WDR20: variants seen among roughly 807,000 people sequenced by gnomAD.
WDR20 encodes the protein WD repeat domain 20.
A neutral mutation model predicts 38.7 loss-of-function variants in WDR20; 3 were observed. The observed-to-expected ratio is 0.08, with a 90% CI of 0.04 to 0.20. WDR20 has a LOEUF of 0.20. Ranked by LOEUF, WDR20 falls within the 10% of genes least tolerant of loss-of-function variation. The pLI is 1.00. For synonymous variants in WDR20, 298 were observed against 285.6 expected, an observed-to-expected ratio of 1.04 and a Z score of -0.44; for missense variants, 559 against 727.7, an observed-to-expected ratio of 0.77 and a Z score of 2.67.
chr14:102,194,602 C>A (rs2059111198), intron 1 of WDR20, among the ~76,000 whole-genome samples: 1 of 152,200 alleles, frequency 6.6e-6, no homozygotes, highest in Non-Finnish European at 1.5e-5. Context: ...CTCTGTTAGA[C>A]ACTGCTTGAA....
chr14:102,158,339 C>T (rs1389643310), intron 1 of WDR20, among the ~76,000 whole-genome samples: 1 of 152,056 alleles, frequency 6.6e-6, no homozygotes, highest in Non-Finnish European at 1.5e-5. Flanking sequence ...CTCTTGTTGC[C>T]CAGGCTGGAG....
intron 1 of WDR20, among the ~76,000 whole-genome samples, chr14:102,184,112 A>T (rs1293140410): frequency 1.3e-5 from 2 of 152,228 alleles, no homozygotes; most frequent in African/African-American, 4.8e-5. Context: ...GGTCATTTGA[A>T]TATGTCAGCA....
In WDR20 at chr14:102,208,005, C is replaced by T. The variant is rs2061870216; in HGVS notation, c.433-598C>T. ...GGGGCGGTGCATGGGAGTGAGGCGG[C>T]CTCAGTGGGCCCAGGCTCTGTTTTG... is the stretch of plus-strand genomic sequence containing the variant. On this transcript the variant is annotated intron_variant, in intron 2 of 2. Transcript: ENST00000342702. This position sits in a 1 kb window ranked among gnomAD's most constrained non-coding sequence, Gnocchi z 5.6. Among the ~76,000 whole-genome samples, 1 of 152,142 alleles carries T rather than the reference C, an allele frequency of 6.6e-6. No individual in the cohort carries two copies. Among genetic ancestry groups the T allele is most frequent in the South Asian group, 2.1e-4 (1 of 4,818 alleles).
rs750890088 is a variant in WDR20 at position 102,208,904 on chromosome 14, G to A, written c.734G>A (p.Arg245Gln). The A allele has an allele frequency of 1.4e-5, 22 of 1,614,090 alleles. No homozygotes were observed. The highest frequency in any genetic ancestry group is 7.7e-5 in the South Asian group (7 of 91,092). Reference sequence around the variant, plus strand: ...TGCGTGAGCCAGGACGGGTTTCTGCGGGTGTTCAACTTTGACTCAGTGGAG... The same window carrying A: ...TGCGTGAGCCAGGACGGGTTTCTGCAGGTGTTCAACTTTGACTCAGTGGAG... ...LACVSQDGFL[R>Q]VFNFDSVELH... Residue 245 changes from arginine to glutamine, a missense_variant, in exon 3 of 3, where the codon CGG (arginine) becomes CAG (glutamine). By Grantham distance (43) the Arg-to-Gln change is conservative. Coordinates refer to ENST00000342702, the MANE Select transcript of WDR20 (RefSeq NM_144574.4). The surrounding 1 kb of genome is among the most constrained non-coding windows in gnomAD (Gnocchi z 5.6).
At chr14:102,151,198 T>TG (rs1491447058) in intron 1 of WDR20, among the ~76,000 whole-genome samples, 7 of 141,170 alleles carry the variant, frequency 5.0e-5, no homozygotes, top group East Asian at 2.0e-4. Context: ...TTTTTTTTTT[T>TG]GTCATTGGAG....
chr14:102,190,693 G>C (rs1167982078), intron 1 of WDR20, among the ~76,000 whole-genome samples: 1 of 151,006 alleles, frequency 6.6e-6, no homozygotes, highest in Non-Finnish European at 1.5e-5. Flanking sequence ...TTCCTACATT[G>C]ACTTGATAGA....
At position 102,207,695 on chromosome 14, in the gene WDR20, CT is replaced by C. The variant is rs1204645506; in HGVS notation, c.433-907del. Among the ~76,000 whole-genome samples, 1 of 152,200 alleles carries C rather than the reference CT, an allele frequency of 6.6e-6. No individual in the cohort carries two copies. The highest frequency in any genetic ancestry group is 1.5e-5 in the Non-Finnish European group (1 of 68,036). ...CAGACGGTCCAGAAAGGGACCGCCC[CT>C]GTGGAAGGTGTTGCGCTGGCATCCC... On this transcript the variant is annotated intron_variant, in intron 2 of 2. Transcript: ENST00000342702. This position sits in a 1 kb window ranked among gnomAD's most constrained non-coding sequence, Gnocchi z 5.0.
At chr14:102,224,329 T>C (rs1025998564), downstream of WDR20, among the ~76,000 whole-genome samples, 1 of 152,038 alleles carries the variant, frequency 6.6e-6, no homozygotes. Context: ...CGTGAGCCAC[T>C]GCGCCCGGCC....
rs904060157 is a variant in WDR20 at position 102,208,002 on chromosome 14, C to T, written c.433-601C>T. ...CGTGGGGCGGTGCATGGGAGTGAGG[C>T]GGCCTCAGTGGGCCCAGGCTCTGTT... is the stretch of plus-strand genomic sequence containing the variant. On this transcript the variant is annotated intron_variant, in intron 2 of 2. Coordinates refer to ENST00000342702, the MANE Select transcript of WDR20 (RefSeq NM_144574.4). This position sits in a 1 kb window ranked among gnomAD's most constrained non-coding sequence, Gnocchi z 5.6. 4.6e-5 allele frequency among the ~76,000 whole-genome samples: 7 copies of T among 152,134 alleles called. No homozygotes were observed. The highest frequency in any genetic ancestry group is 1.3e-4 in the Admixed American group (2 of 15,278).
intron 2 of WDR20, among the ~76,000 whole-genome samples, chr14:102,196,955 A>AT (rs2059516682): frequency 6.6e-6 from 1 of 152,290 alleles, no homozygotes; most frequent in South Asian, 2.1e-4. Flanking sequence ...ATGTGGATAC[A>AT]TTTTTATCAG....
chr14:102,195,159 A>T, intron 2 of WDR20, 39 bp downstream of exon 2: 1 of 1,600,276 alleles, frequency 6.2e-7, no homozygotes, highest in Non-Finnish European at 8.5e-7. Flanking sequence ...GAATCCCTTT[A>T]AGAGTTGATA....
intron 1 of WDR20, among the ~76,000 whole-genome samples, chr14:102,161,140 A>ATTTTT (rs1369897890): frequency 4.6e-4 from 5 of 10,812 alleles, no homozygotes; most frequent in African/African-American, 1.5e-3. Context: ...ATATATATAT[A>ATTTTT]TATTTTTTTT....
intron 1 of WDR20, among the ~76,000 whole-genome samples, chr14:102,172,544 C>T (rs1310098645): frequency 7.0e-6 from 1 of 143,028 alleles, no homozygotes; most frequent in East Asian, 2.2e-4. Context: ...GGGCTGACCC[C>T]CCACCTCCCT....
At chr14:102,200,465 T>G (rs554745646) in intron 2 of WDR20, among the ~76,000 whole-genome samples, 6,847 of 98,480 alleles carry the variant, frequency 0.07, 200 homozygotes, top group Middle Eastern at 0.088. Flanking sequence ...AAATTTTTTT[T>G]TTTGTGTGTG....
downstream of WDR20, among the ~76,000 whole-genome samples, chr14:102,216,912 G>A (rs1374956193): frequency 2.6e-5 from 4 of 152,138 alleles, no homozygotes; most frequent in African/African-American, 4.8e-5. Flanking sequence ...CAGCCTGGGC[G>A]ACAGAGCGAG....
intron 2 of WDR20, among the ~76,000 whole-genome samples, chr14:102,201,046 T>G (rs959779155): frequency 2.0e-5 from 3 of 152,238 alleles, no homozygotes; most frequent in African/African-American, 7.2e-5. Flanking sequence ...TTTCTGTTGA[T>G]TTTCTAATCG....
At position 102,220,060 on chromosome 14, in the gene WDR20, T is replaced by C. The variant is rs1204679001; in HGVS notation, c.1693-2770T>C. 2.6e-5 allele frequency among the ~76,000 whole-genome samples: 4 copies of C among 152,244 alleles called. No homozygotes were observed. Among genetic ancestry groups the C allele is most frequent in the Non-Finnish European group, 5.9e-5 (4 of 68,040 alleles). On this transcript the variant is annotated intron_variant, in intron 3 of 3. Transcript: ENST00000335263. The surrounding 1 kb of genome is among the most constrained non-coding windows in gnomAD (Gnocchi z 4.2). ...AATAGGAAGCCTGCAGCCCTCGCGT[T>C]GGGTCGCTTTCTAGGGGTGCGGCTT...
chr14:102,175,322 T>C (rs2061819429), intron 1 of WDR20, among the ~76,000 whole-genome samples: 1 of 152,188 alleles, frequency 6.6e-6, no homozygotes, highest in Admixed American at 6.5e-5. Flanking sequence ...TTCCCCACTT[T>C]ATGTTTTTGT....
In WDR20 at chr14:102,220,296, T is replaced by C. The variant is rs964490122; in HGVS notation, c.1693-2534T>C. Reference sequence around the variant, plus strand: ...AGAAGCCACCTGCAGCCACTAAGTATGTAAATTGGGGCCAGTCCAACCTGA... The same window carrying C: ...AGAAGCCACCTGCAGCCACTAAGTACGTAAATTGGGGCCAGTCCAACCTGA... On this transcript the variant is annotated intron_variant, in intron 3 of 3. Transcript: ENST00000335263. The surrounding 1 kb of genome is among the most constrained non-coding windows in gnomAD (Gnocchi z 4.2). 6.6e-6 allele frequency among the ~76,000 whole-genome samples: 1 copy of C among 152,226 alleles called. No individual in the cohort carries two copies. Among genetic ancestry groups the C allele is most frequent in the African/African-American group, 2.4e-5 (1 of 41,446 alleles).
Sources: allele counts gnomAD v4.1 joint callset (sites outside exome capture counted in the v4.1 genomes callset), GRCh38; gene constraint gnomAD v4.1.1; non-coding constraint Gnocchi (gnomAD v3.1); transcripts MANE v1.5; gene names NCBI Gene and HGNC (gene_info 2026-07-23, HGNC 2026-07-21).